KANK1: variants seen among roughly 807,000 people sequenced by gnomAD.
The protein encoded by KANK1 is KN motif and ankyrin repeat domains 1.
In KANK1, 109 loss-of-function variants were observed where a neutral mutation model predicts 106.2. That is an observed-to-expected ratio of 1.03 (90% CI 0.88 to 1.20). KANK1 has a LOEUF of 1.20. Among genes scored for constraint, KANK1 ranks in the 50% most tolerant of loss-of-function variants. The pLI, the probability that KANK1 is intolerant of heterozygous loss-of-function variation, is 0.00. For missense variants in KANK1, 2,399 were observed against 1,710.7 expected, an observed-to-expected ratio of 1.40 and a Z score of -7.10; for synonymous variants, 873 against 652.2, an observed-to-expected ratio of 1.34 and a Z score of -5.16.
intron 1 of KANK1, among the ~76,000 whole-genome samples, chr9:650,451 G>A (rs1242463874): frequency 6.6e-6 from 1 of 152,188 alleles, no homozygotes; most frequent in East Asian, 1.9e-4. Flanking sequence ...CTCTTGTTAT[G>A]TAGATTCTTA....
chr9:508,450 C>T (rs1163343416), intron 1 of KANK1, among the ~76,000 whole-genome samples: 7 of 152,170 alleles, frequency 4.6e-5, no homozygotes, highest in Non-Finnish European at 8.8e-5. Context: ...AGCTATACAT[C>T]TTAAGAGTAC....
chr9:664,461 A>G (rs1844106752), intron 1 of KANK1, among the ~76,000 whole-genome samples: 1 of 151,962 alleles, frequency 6.6e-6, no homozygotes, highest in South Asian at 2.1e-4. Flanking sequence ...TTCTTTTTAA[A>G]TATTTATTAT....
chr9:682,292 A>G (rs1817712202), intron 2 of KANK1, among the ~76,000 whole-genome samples: 1 of 152,038 alleles, frequency 6.6e-6, no homozygotes, highest in African/African-American at 2.4e-5. Context: ...AAAAAAAAAA[A>G]GAAAAGTTAT....
At chr9:580,370 C>G (rs768425634) in intron 1 of KANK1, among the ~76,000 whole-genome samples, 8 of 152,150 alleles carry the variant, frequency 5.3e-5, no homozygotes, top group Non-Finnish European at 1.2e-4. Context: ...AACAAAGCTT[C>G]CACACTGTGG....
At position 666,833 on chromosome 9, in the gene KANK1, A is replaced by G. The variant is rs1694444950; in HGVS notation, c.-83-10057A>G. The stretch of plus-strand genomic sequence containing the variant: ...ATCTTTTTAATATCTTGCTGAATTC[A>G]GTTTGTTAATATTTTTTGTTGAGGA... On this transcript the variant is annotated intron_variant, in intron 1 of 11. Coordinates refer to ENST00000382297, the MANE Select transcript of KANK1 (RefSeq NM_015158.5). 1.3e-5 allele frequency among the ~76,000 whole-genome samples: 2 copies of G among 149,216 alleles called. 1 individual carries two copies. Among genetic ancestry groups the G allele is most frequent in the South Asian group, 4.2e-4 (2 of 4,756 alleles).
chr9:616,063 A>T (rs1588278889), intron 1 of KANK1, among the ~76,000 whole-genome samples: 1 of 152,014 alleles, frequency 6.6e-6, no homozygotes, highest in Non-Finnish European at 1.5e-5. Flanking sequence ...TACCAGTGTC[A>T]CCTCCCCACC....
chr9:679,413 GAAA>G (rs111372766), intron 2 of KANK1, among the ~76,000 whole-genome samples: 20,022 of 150,878 alleles, frequency 0.13, 1,594 homozygotes, highest in Admixed American at 0.17. Flanking sequence ...GACACTCATA[GAAA>G]AAAAAAATTT....
chr9:693,454 C>T (rs1461909816), intron 2 of KANK1: 2 of 985,244 alleles, frequency 2.0e-6, no homozygotes, highest in African/African-American at 1.7e-5. Flanking sequence ...ATTTCTAGGT[C>T]AGCATTTCAT....
chr9:743,358 G>T (rs965309805), intron 10 of KANK1, among the ~76,000 whole-genome samples: 1 of 152,252 alleles, frequency 6.6e-6, no homozygotes. Flanking sequence ...GCACATGGAA[G>T]CTGCAGCTGT....
chr9:726,911 G>C (rs186676481), intron 3 of KANK1, among the ~76,000 whole-genome samples: 17 of 152,314 alleles, frequency 1.1e-4, no homozygotes, highest in Non-Finnish European at 2.1e-4. Context: ...AGTGAGCCAG[G>C]ATTGCTCCAC....
intron 2 of KANK1, among the ~76,000 whole-genome samples, chr9:687,476 T>A (rs1026260913): frequency 1.3e-5 from 2 of 152,328 alleles, no homozygotes; most frequent in Admixed American, 1.3e-4. Context: ...TCAGTTCTTG[T>A]GTCTGTAAAA....
intron 1 of KANK1, among the ~76,000 whole-genome samples, chr9:637,741 G>A (rs1837483584): frequency 6.6e-6 from 1 of 152,128 alleles, no homozygotes; most frequent in Non-Finnish European, 1.5e-5. Context: ...GTGCTTGTCA[G>A]ATACTTTTCC....
At chr9:719,600 TA>T (rs199605978) in intron 3 of KANK1, among the ~76,000 whole-genome samples, 3 of 152,314 alleles carry the variant, frequency 2.0e-5, no homozygotes, top group African/African-American at 7.2e-5. Flanking sequence ...CATTTTAATA[TA>T]TTTTTTTAAA....
chr9:572,155 T>TTTTG (rs1819354727), intron 1 of KANK1, among the ~76,000 whole-genome samples: 1 of 109,994 alleles, frequency 9.1e-6, no homozygotes, highest in African/African-American at 3.2e-5. Flanking sequence ...CAGTGATTTT[T>TTTTG]TTTTTTTTTT....
intron 3 of KANK1, chr9:484,466 C>G (rs950134744): frequency 6.6e-6 from 1 of 152,244 alleles, no homozygotes; most frequent in Non-Finnish European, 1.5e-5. Context: ...TTTTGCCATT[C>G]TTCAACAAAG....
intron 2 of KANK1, chr9:693,884 A>T: frequency 1.1e-6 from 1 of 920,066 alleles, no homozygotes; most frequent in Non-Finnish European, 1.3e-6. Flanking sequence ...GTTGTGAAAA[A>T]GATTTGCTTT....
At chr9:520,711 C>T (rs1468332782) in intron 1 of KANK1, among the ~76,000 whole-genome samples, 11 of 151,692 alleles carry the variant, frequency 7.3e-5, no homozygotes, top group Admixed American at 5.9e-4. Flanking sequence ...CAGAAATCTG[C>T]CTAGATATGG....
intron 1 of KANK1, among the ~76,000 whole-genome samples, chr9:614,851 T>C (rs1831419289): frequency 6.6e-6 from 1 of 152,220 alleles, no homozygotes; most frequent in African/African-American, 2.4e-5. Flanking sequence ...CTTAAACTTC[T>C]GCTCATTCAT....
intron 1 of KANK1, among the ~76,000 whole-genome samples, chr9:603,916 G>A (rs2804301): frequency 0.51 from 74,828 of 146,594 alleles, 19,731 homozygotes; most frequent in South Asian, 0.58. Context: ...CCAAGATCAC[G>A]TCACTGTATT....
Sources: gnomAD v4.1 joint callset for allele counts (sites outside exome capture counted in the v4.1 genomes callset) on GRCh38, gnomAD v4.1.1 for gene constraint, MANE v1.5 for transcripts, NCBI Gene and HGNC (gene_info 2026-07-23, HGNC 2026-07-21) for gene names.